Variants in KCNIP4 observed in about 807,000 individuals in gnomAD.
KCNIP4 encodes the protein potassium voltage-gated channel interacting protein 4.
Under a neutral mutation model 34.0 loss-of-function variants are expected in KCNIP4, and 12 were observed. That is an observed-to-expected ratio of 0.35 (90% confidence interval 0.23 to 0.57). KCNIP4 has a LOEUF of 0.57. KCNIP4 is among the 20% of genes least tolerant of loss of function. The pLI, the probability that KCNIP4 is intolerant of heterozygous loss-of-function variation, is 0.83. For missense variants in KCNIP4, 238 were observed against 311.7 expected (o/e 0.76, Z 1.78); for synonymous variants, 124 against 102.2 (o/e 1.21, Z -1.29).
At chr4:21,255,939 A>T (rs1761033842) in intron 1 of KCNIP4, among the ~76,000 whole-genome samples, 1 of 152,206 alleles carries the variant, frequency 6.6e-6, no homozygotes, top group African/African-American at 2.4e-5. Flanking sequence ...CAGGCACTGA[A>T]GATAAAACAG....
chr4:21,664,115 T>A (rs1218867713), intron 1 of KCNIP4, among the ~76,000 whole-genome samples: 1 of 152,034 alleles, frequency 6.6e-6, no homozygotes. Context: ...CTGGCTAATT[T>A]TTTTTTGTAC....
At chr4:21,893,543 T>C (rs1289817176) in intron 1 of KCNIP4, among the ~76,000 whole-genome samples, 1 of 152,178 alleles carries the variant, frequency 6.6e-6, no homozygotes, top group Non-Finnish European at 1.5e-5. Flanking sequence ...TCAAATTGCA[T>C]CATTCATCTC....
intron 1 of KCNIP4, among the ~76,000 whole-genome samples, chr4:21,025,473 TGA>T (rs33926876): frequency 0.28 from 26,496 of 94,116 alleles, 3,716 homozygotes; most frequent in East Asian, 0.43. Flanking sequence ...TGAAAACAAC[TGA>T]GAGAGAGAGA....
At chr4:20,734,570 T>C in intron 6 of KCNIP4, 58 bp downstream of exon 6, 1 of 838,160 alleles carries the variant, frequency 1.2e-6, no homozygotes, top group East Asian at 2.8e-5. Flanking sequence ...ATTAATATTT[T>C]AAAGTTAAGA....
At chr4:21,358,857 G>A (rs926791116) in intron 1 of KCNIP4, among the ~76,000 whole-genome samples, 7 of 152,016 alleles carry the variant, frequency 4.6e-5, no homozygotes, top group African/African-American at 1.7e-4. Flanking sequence ...CCTATGACCT[G>A]GAAGACCCTT....
chr4:21,080,273 C>T (rs551363309), intron 1 of KCNIP4, among the ~76,000 whole-genome samples: 1 of 151,924 alleles, frequency 6.6e-6, no homozygotes, highest in South Asian at 2.1e-4. Flanking sequence ...ATCATGACAC[C>T]ATCCTTATAG....
chr4:21,298,361 T>G (rs75585053), intron 1 of KCNIP4, among the ~76,000 whole-genome samples: 4,432 of 152,216 alleles, frequency 0.029, 126 homozygotes, highest in East Asian at 0.096. Flanking sequence ...CTGGATGCAC[T>G]TACTTCAAAA....
intron 1 of KCNIP4, among the ~76,000 whole-genome samples, chr4:21,801,876 C>T (rs1157490483): frequency 1.3e-5 from 2 of 151,420 alleles, no homozygotes; most frequent in African/African-American, 4.9e-5. Context: ...AAACACCCTT[C>T]TTAAGAGCTA....
intron 1 of KCNIP4, among the ~76,000 whole-genome samples, chr4:21,141,345 G>A (rs1215479024): frequency 5.3e-5 from 8 of 152,126 alleles, no homozygotes; most frequent in African/African-American, 1.4e-4. Context: ...AACAGACTGT[G>A]AGTGCCCTAA....
intron 1 of KCNIP4, among the ~76,000 whole-genome samples, chr4:21,947,786 G>A (rs778265461): frequency 1.3e-5 from 2 of 152,160 alleles, no homozygotes; most frequent in Non-Finnish European, 2.9e-5. Context: ...TCCGGCTCCT[G>A]TAAAATACTC....
intron 1 of KCNIP4, among the ~76,000 whole-genome samples, chr4:21,013,143 A>G (rs551130718): frequency 5.3e-5 from 8 of 152,334 alleles, no homozygotes; most frequent in Admixed American, 2.0e-4. Flanking sequence ...GGGTCTAAAC[A>G]GAGGAGGTAG....
intron 1 of KCNIP4, among the ~76,000 whole-genome samples, chr4:21,396,677 A>G (rs1723040456): frequency 6.6e-6 from 1 of 151,994 alleles, no homozygotes; most frequent in African/African-American, 2.4e-5. Context: ...GGTGGGCTCA[A>G]AGTTGTCACT....
intron 1 of KCNIP4, among the ~76,000 whole-genome samples, chr4:21,247,585 A>ATATC: frequency 6.9e-6 from 1 of 144,260 alleles, no homozygotes; most frequent in Non-Finnish European, 1.5e-5. Context: ...ATACATATAT[A>ATATC]TATATATACA....
chr4:21,232,977 A>G (rs1758908817), intron 1 of KCNIP4, among the ~76,000 whole-genome samples: 2 of 152,078 alleles, frequency 1.3e-5, no homozygotes, highest in Middle Eastern at 3.2e-3. Flanking sequence ...CTTAATCTGG[A>G]ATTTGAAGGA....
chr4:21,260,502 G>C (rs187203874), intron 1 of KCNIP4, among the ~76,000 whole-genome samples: 127 of 152,274 alleles, frequency 8.3e-4, no homozygotes, highest in African/African-American at 2.8e-3. Flanking sequence ...TGTAGGGCTT[G>C]AGATGAACTT....
intron 1 of KCNIP4, among the ~76,000 whole-genome samples, chr4:21,327,441 T>C (rs1050468837): frequency 6.6e-6 from 1 of 152,176 alleles, no homozygotes; most frequent in Non-Finnish European, 1.5e-5. Flanking sequence ...TTGTATGTTA[T>C]TTGTTTCTGT....
chr4:21,108,895 G>C (rs548190627), intron 1 of KCNIP4, among the ~76,000 whole-genome samples: 5 of 152,278 alleles, frequency 3.3e-5, no homozygotes, highest in Non-Finnish European at 7.3e-5. Flanking sequence ...TAACAGCAGT[G>C]GTGGCTGCAG....
At chr4:21,529,207 C>T (rs182601964) in intron 1 of KCNIP4, among the ~76,000 whole-genome samples, 138 of 152,224 alleles carry the variant, frequency 9.1e-4, no homozygotes, top group African/African-American at 3.1e-3. Context: ...TTGCTGACCC[C>T]TACTATAGAC....
At chr4:20,894,033 A>G (rs1327783656) in intron 1 of KCNIP4, among the ~76,000 whole-genome samples, 4 of 152,046 alleles carry the variant, frequency 2.6e-5, no homozygotes, top group Non-Finnish European at 5.9e-5. Context: ...GGTGCCTGCC[A>G]CCACACCCGA....
Sources: gnomAD v4.1 joint callset for allele counts (sites outside exome capture counted in the v4.1 genomes callset) on GRCh38, gnomAD v4.1.1 for gene constraint, MANE v1.5 for transcripts, NCBI Gene and HGNC (gene_info 2026-07-23, HGNC 2026-07-21) for gene names.